EEF2: variants seen among roughly 807,000 people sequenced by gnomAD.
EEF2 encodes elongation factor 2.
A neutral mutation model predicts 85.3 loss-of-function variants in EEF2; 21 were observed. The observed-to-expected ratio is 0.25, with a 90% CI of 0.17 to 0.35. The LOEUF is 0.35. Ranked by LOEUF, EEF2 falls within the 10% of genes least tolerant of loss-of-function variation. The pLI, the probability that EEF2 is intolerant of heterozygous loss-of-function variation, is 1.00. For missense variants in EEF2, 825 were observed against 1,225.3 expected (o/e 0.67, Z 4.88); for synonymous variants, 723 against 508.8 (o/e 1.42, Z -5.67).
intron 2 of EEF2, chr19:3,983,758 C>G (rs1244657218): frequency 6.2e-6 from 2 of 323,390 alleles, no homozygotes; most frequent in African/African-American, 4.2e-5. Flanking sequence ...CATATCGGGG[C>G]CAGAAACTGA....
intron 9 of EEF2, among the ~76,000 whole-genome samples, 184 bp from the exon 10 acceptor site, chr19:3,980,250 C>T (rs2039728421): frequency 6.6e-6 from 1 of 152,192 alleles, no homozygotes; most frequent in Non-Finnish European, 1.5e-5. Flanking sequence ...GAATCACTGC[C>T]CTCCTCCCTG....
At position 3,981,850 on chromosome 19, in the gene EEF2, AGACGGGCCCAGTCAGCC is replaced by A. The variant is rs1216113636; in HGVS notation, c.897+80_897+96del. 6.3e-6 allele frequency: 7 copies of A among 1,108,770 alleles called. No individual in the cohort carries two copies. The African/African-American group carries it at 1.1e-4, about 17-fold the overall frequency. The allele number at this position is 1,108,770 out of a possible 1,614,324, so 68.7% of individuals were successfully genotyped here. A position where few individuals can be genotyped will look rare whatever the true frequency, so the allele number is the denominator to read the frequency against. On this transcript the variant is annotated intron_variant, in intron 6 of 14. Coordinates refer to ENST00000309311, the MANE Select transcript of EEF2 (RefSeq NM_001961.4). ...CCCATCTCGCATCTGCCCCACAAGGAGACGGGCCCAGTCAGCCGACAGGCTACCGGCCGGAGCCCACA... is the reference window on the plus strand; with the variant it reads ...CCCATCTCGCATCTGCCCCACAAGGAGACAGGCTACCGGCCGGAGCCCACA...
Position 3,977,659 on chromosome 19 carries a change from C to T in EEF2, c.2068-49G>A, listed in dbSNP as rs758682703. The T allele has an allele frequency of 2.7e-6, 4 of 1,476,694 alleles. No individual in the cohort carries two copies. The highest frequency in any genetic ancestry group is 2.8e-5 in the African/African-American group (2 of 71,262). 91.5% of individuals were successfully genotyped at this position (1,476,694 alleles called of 1,614,324 possible). A position where few individuals can be genotyped will look rare whatever the true frequency, so the allele number is the denominator to read the frequency against. ...TCAAGGGCCGGACACACCTCGGCTG[C>T]TTGCCCTCCACCTGCCAAGTCCTGC... On this transcript the variant is annotated intron_variant, in intron 12 of 14. Coordinates refer to ENST00000309311, the MANE Select transcript of EEF2 (RefSeq NM_001961.4). This position sits in a 1 kb window ranked among gnomAD's most constrained non-coding sequence, Gnocchi z 5.4.
rs750876455 is a variant in EEF2, at chr19:3,981,375, G to A, written c.975C>T (p.Ser325=). The A allele has an allele frequency of 2.1e-5, 34 of 1,614,074 alleles. No homozygotes were observed. The highest frequency in any genetic ancestry group is 2.7e-5 in the Non-Finnish European group (32 of 1,180,044). ...GTTTGCCTTCTTTGTCCTTGTCCTCGCTGTCCAGTTTGATGTCCAGTTTCT... is the reference window on the plus strand; with the variant it reads ...GTTTGCCTTCTTTGTCCTTGTCCTCACTGTCCAGTTTGATGTCCAGTTTCT... ...LIEKLDIKLD[S]EDKDKEGKPL... is the part of the protein sequence containing the mutation. The change falls in exon 7 of 15, where the codon AGC becomes AGT. Residue 325 remains serine (S), a synonymous_variant. Transcript: ENST00000309311.
chr19:3,976,801 AG>A (rs2039684899), intron 14 of EEF2, 54 bp from the exon 15 acceptor site: 4 of 1,464,652 alleles, frequency 2.7e-6, no homozygotes, highest in Middle Eastern at 1.8e-4. Flanking sequence ...GCAGGGCAGA[AG>A]GAAAGTCCTG....
intron 10 of EEF2, 104 bp downstream of exon 10, chr19:3,979,704 G>C: frequency 3.3e-6 from 5 of 1,502,030 alleles, no homozygotes; most frequent in South Asian, 2.5e-5. Context: ...TTCATGACCA[G>C]TCACCCCAAT....
intron 11 of EEF2, among the ~76,000 whole-genome samples, chr19:3,978,433 G>A (rs1008360499): frequency 9.9e-5 from 15 of 152,120 alleles, no homozygotes; most frequent in African/African-American, 3.4e-4. Flanking sequence ...GAAGAAACGA[G>A]GTCTGGAGCA....
chr19:3,984,879 G>A (rs138151759), intron 1 of EEF2: 18 of 167,664 alleles, frequency 1.1e-4, no homozygotes, highest in East Asian at 5.2e-4. Flanking sequence ...ACATCTGGGA[G>A]TCATAGGAAG....
In EEF2 at chr19:3,982,784, CACCCAG is replaced by C. The variant is rs1326526094; in HGVS notation, c.612+17_612+22del. On this transcript the variant is annotated intron_variant, in intron 4 of 14. Coordinates refer to ENST00000309311, the MANE Select transcript of EEF2 (RefSeq NM_001961.4). ...GCAGATCCCGCTGCGGCAAGCCCAC[CACCCAG>C]CTAGGGAGGGCCGTACCATGATGTT... is the stretch of plus-strand genomic sequence containing the variant. 6.3e-7 allele frequency: 1 copy of C among 1,598,840 alleles called. No homozygotes were observed. Among genetic ancestry groups the C allele is most frequent in the Non-Finnish European group, 8.5e-7 (1 of 1,174,552 alleles).
chr19:3,976,210 A>G lies in EEF2; in HGVS notation c.*344T>C, dbSNP rs1402807295. On this transcript the variant is annotated 3_prime_UTR_variant, in exon 15 of 15. Transcript: ENST00000309311. The stretch of plus-strand genomic sequence containing the variant: ...AAAGCCACTGCGGGCCATGTACCCA[A>G]ATAAACCTCTTAATGCGTTTGTTAA... 3.0e-5 allele frequency: 9 copies of G among 297,448 alleles called. No homozygotes were observed. Among genetic ancestry groups the G allele is most frequent in the Non-Finnish European group, 3.8e-5 (6 of 156,968 alleles). 18.4% of individuals were successfully genotyped at this position (297,448 alleles called of 1,614,324 possible).
chr19:3,978,274 G>A (rs1406989831), intron 11 of EEF2, 102 bp from the exon 12 acceptor site: 11 of 948,266 alleles, frequency 1.2e-5, no homozygotes, highest in Non-Finnish European at 1.6e-5. Flanking sequence ...ACCTCATACA[G>A]CCTGGTAGAG....
In EEF2 at chr19:3,977,542, G is replaced by A. The variant is rs775576430; in HGVS notation, c.2136C>T (p.Asp712=). The change falls in exon 13 of 15, where the codon GAC becomes GAT. Residue 712 remains aspartate, a synonymous_variant. Transcript: ENST00000309311. This position sits in a 1 kb window ranked among gnomAD's most constrained non-coding sequence, Gnocchi z 5.4. ...TCTGGCCCCCTCCGCGGTGGATGGCGTCGGCGTGCAGGGTGACGTCGTGGA... is the reference window on the plus strand; with the variant it reads ...TCTGGCCCCCTCCGCGGTGGATGGCATCGGCGTGCAGGGTGACGTCGTGGA... ...FDVHDVTLHA[D]AIHRGGGQII... is the part of the protein sequence containing the mutation. 55 of 1,587,416 alleles carry A rather than the reference G, an allele frequency of 3.5e-5. No homozygotes were observed. The highest frequency in any genetic ancestry group is 4.3e-5 in the Non-Finnish European group (50 of 1,172,310).
In EEF2 at chr19:3,982,300, G is replaced by A. The variant is rs994892680; in HGVS notation, c.737C>T (p.Pro246Leu). 3 of 1,614,036 alleles carry A rather than the reference G, an allele frequency of 1.9e-6. No homozygotes were observed. The highest frequency in any genetic ancestry group is 2.5e-6 in the Non-Finnish European group (3 of 1,180,034). ...FAAKGEGQLG[P>L]AERAKKVEDM... ...CTCTACTTTCTTGGCCCGCTCGGCA[G>A]GCCCCAACTGGCCCTCCCCCTTGGC... Residue 246 changes from proline (P) to leucine (L), a missense_variant, in exon 5 of 15, where the codon CCT becomes CTT. Pro to Leu is a moderately conservative substitution (Grantham distance 98). Coordinates refer to ENST00000309311, the MANE Select transcript of EEF2 (RefSeq NM_001961.4).
rs1599191464 is a variant in EEF2, at chr19:3,978,283, A to G, written c.1714-111T>C. The G allele has an allele frequency of 5.7e-6, 5 of 882,882 alleles. No individual in the cohort carries two copies. The East Asian group carries it at 1.4e-4, about 25-fold the overall frequency. 54.7% of individuals were successfully genotyped at this position (882,882 alleles called of 1,614,324 possible). On this transcript the variant is annotated intron_variant, in intron 11 of 14. Coordinates refer to ENST00000309311, the MANE Select transcript of EEF2 (RefSeq NM_001961.4). ...AGGCGGACCTCATACAGCCTGGTAG[A>G]GCCACGTCAATCAGAACGAAGCGGA...
At chr19:3,976,880 CA>C in intron 14 of EEF2, 133 bp from the exon 15 acceptor site, 1 of 1,121,412 alleles carries the variant, frequency 8.9e-7, no homozygotes, top group South Asian at 1.6e-5. Context: ...TGGTGCCCAG[CA>C]CTTCACGAAG....
chr19:3,976,781 C>T (rs200464725), intron 14 of EEF2, 34 bp from the exon 15 acceptor site: 9 of 1,498,572 alleles, frequency 6.0e-6, no homozygotes, highest in Middle Eastern at 1.8e-4. Flanking sequence ...ACTGGGCCAT[C>T]GAGAAGGTGG....
chr19:3,976,643 G>A lies in EEF2; in HGVS notation c.2488C>T (p.Arg830Cys), dbSNP rs1043172318. ...LPGDPFDNSSRPSQVVAETRK... is the reference protein window; with the variant it reads ...LPGDPFDNSSCPSQVVAETRK... ...GTCTCCGCCACCACCTGGCTGGGGC[G>A]GCTGCTGTTGTCGAAGGGGTCTCCG... The change falls in exon 15 of 15, where the codon CGC becomes TGC. Residue 830 changes from arginine (R) to cysteine (C), a missense_variant. Arg to Cys is a radical substitution (Grantham distance 180). Transcript: ENST00000309311. The A allele has an allele frequency of 1.1e-5, 17 of 1,609,994 alleles. No individual in the cohort carries two copies. Among genetic ancestry groups the A allele is most frequent in the Middle Eastern group, 3.3e-4 (2 of 6,054 alleles).
At chr19:3,980,257 C>T (rs2039728536) in intron 9 of EEF2, among the ~76,000 whole-genome samples, 191 bp from the exon 10 acceptor site, 1 of 152,180 alleles carries the variant, frequency 6.6e-6, no homozygotes, top group South Asian at 2.1e-4. Context: ...TGCCCTCCTC[C>T]CTGGGTATGG....
In EEF2 at chr19:3,980,715, G is replaced by A. The variant is rs763925982; in HGVS notation, c.1151-6C>T. On this transcript the variant is annotated splice_region_variant and splice_polypyrimidine_tract_variant and intron_variant, in intron 8 of 14. Transcript: ENST00000309311. ...GGGGTCACAGCTTTTAATGCCTGAG[G>A]GACAGAGAAAACCCGCAAGCTTTAT... is the stretch of plus-strand genomic sequence containing the variant. 35 of 1,611,626 alleles carry A rather than the reference G, an allele frequency of 2.2e-5. No homozygotes were observed. Among genetic ancestry groups the A allele is most frequent in the Admixed American group, 3.3e-5 (2 of 59,896 alleles).
Sources: allele counts gnomAD v4.1 joint callset (sites outside exome capture counted in the v4.1 genomes callset), GRCh38; gene constraint gnomAD v4.1.1; non-coding constraint Gnocchi (gnomAD v3.1); transcripts MANE v1.5; gene names NCBI Gene and HGNC (gene_info 2026-07-23, HGNC 2026-07-21).